Variants in ANXA13 observed in about 807,000 individuals in gnomAD.
ANXA13 encodes annexin XIII.
ANXA13 carries 36 observed loss-of-function variants against 46.6 expected under a neutral mutation model. The observed-to-expected ratio is 0.77, with a 90% CI of 0.59 to 1.02. The LOEUF is 1.02. Ranked by LOEUF, ANXA13 falls within the 50% of genes least tolerant of loss-of-function variation. The pLI, the probability that ANXA13 is intolerant of heterozygous loss-of-function variation, is 0.00. For synonymous variants in ANXA13, 163 were observed against 152.9 expected, an observed-to-expected ratio of 1.07 and a Z score of -0.49; for missense variants, 417 against 396.5, an observed-to-expected ratio of 1.05 and a Z score of -0.44.
chr8:123,710,534 A>G (rs1813637751), intron 2 of ANXA13, among the ~76,000 whole-genome samples: 3 of 152,204 alleles, frequency 2.0e-5, no homozygotes, highest in Admixed American at 2.0e-4. Flanking sequence ...TAGTTTAATA[A>G]AACATTCTGT....
chr8:123,731,874 C>T (rs1263041222), intron 1 of ANXA13, among the ~76,000 whole-genome samples: 2 of 152,028 alleles, frequency 1.3e-5, no homozygotes, highest in African/African-American at 4.8e-5. Context: ...GATCCTGTCT[C>T]AAAACACAAA....
intron 9 of ANXA13, among the ~76,000 whole-genome samples, chr8:123,686,459 TA>T (rs750752983): frequency 2.5e-3 from 311 of 124,690 alleles, no homozygotes; most frequent in Non-Finnish European, 2.7e-3. Flanking sequence ...AACTGTGTCT[TA>T]AAAAAAAAAA....
intron 1 of ANXA13, 96 bp from the exon 2 acceptor site, chr8:123,712,849 T>C: frequency 9.6e-7 from 1 of 1,041,420 alleles, no homozygotes; most frequent in East Asian, 2.5e-5. Context: ...CAAATAGTCA[T>C]CCTAACCAGG....
chr8:123,697,812 C>G (rs1813370099), intron 4 of ANXA13, among the ~76,000 whole-genome samples: 1 of 152,206 alleles, frequency 6.6e-6, no homozygotes, highest in South Asian at 2.1e-4. Flanking sequence ...ACAAATAGTT[C>G]TCCATGGGGC....
At chr8:123,724,643 T>A (rs987205257) in intron 1 of ANXA13, among the ~76,000 whole-genome samples, 1 of 152,186 alleles carries the variant, frequency 6.6e-6, no homozygotes, top group Admixed American at 6.5e-5. Flanking sequence ...AAGTGAAAAT[T>A]GAACCCAGGT....
intron 2 of ANXA13, among the ~76,000 whole-genome samples, chr8:123,708,794 G>T (rs957105460): frequency 6.6e-6 from 1 of 152,176 alleles, no homozygotes; most frequent in Admixed American, 6.5e-5. Flanking sequence ...CAGCCCCGGG[G>T]CAGTGTCTGT....
At chr8:123,729,874 A>C (rs1156354359) in intron 1 of ANXA13, among the ~76,000 whole-genome samples, 1 of 152,230 alleles carries the variant, frequency 6.6e-6, no homozygotes, top group Non-Finnish European at 1.5e-5. Context: ...CTGTGAACTC[A>C]TACTTCGCAA....
chr8:123,726,658 C>A (rs1814001555), intron 1 of ANXA13, among the ~76,000 whole-genome samples: 1 of 152,236 alleles, frequency 6.6e-6, no homozygotes, highest in Non-Finnish European at 1.5e-5. Flanking sequence ...ACCCTTCTCA[C>A]TCTGGTATAA....
At chr8:123,683,901 C>T (rs1009282558) in intron 10 of ANXA13, among the ~76,000 whole-genome samples, 28 of 152,264 alleles carry the variant, frequency 1.8e-4, no homozygotes, top group East Asian at 1.5e-3. Context: ...GTGATCTTGA[C>T]GGCTGCTCCC....
At chr8:123,685,459 C>T (rs75613507) in intron 9 of ANXA13, among the ~76,000 whole-genome samples, 2,168 of 152,160 alleles carry the variant, frequency 0.014, 100 homozygotes, top group East Asian at 0.13. Context: ...TCTTCCCAGG[C>T]TCATATGAAT....
intron 1 of ANXA13, among the ~76,000 whole-genome samples, chr8:123,725,171 A>G (rs1008520235): frequency 6.6e-6 from 1 of 152,248 alleles, no homozygotes; most frequent in African/African-American, 2.4e-5. Context: ...TGGTATCAGT[A>G]TAAAATTTCC....
In ANXA13 at chr8:123,698,450, A is replaced by G. The variant is rs1239518976; in HGVS notation, c.296T>C (p.Met99Thr). 6.2e-7 allele frequency: 1 copy of G among 1,614,046 alleles called. No homozygotes were observed. The highest frequency in any genetic ancestry group is 8.5e-7 in the Non-Finnish European group (1 of 1,180,040). Reference protein sequence around the residue: ...EYAARQLQKAMKGLGTDESVL... With the variant: ...EYAARQLQKATKGLGTDESVL... The stretch of plus-strand genomic sequence containing the variant: ...GGACTCATCTGTGCCCAGACCCTTC[A>G]TAGCCTTCTGCAGCTGCCGGGCGGC... Residue 99 changes from methionine to threonine, a missense_variant, in exon 4 of 11, where the codon ATG becomes ACG. Coordinates refer to ENST00000419625, the MANE Select transcript of ANXA13 (RefSeq NM_004306.4).
chr8:123,726,349 G>A (rs1211493759), intron 1 of ANXA13, among the ~76,000 whole-genome samples: 2 of 152,226 alleles, frequency 1.3e-5, no homozygotes, highest in Non-Finnish European at 2.9e-5. Context: ...TAGGAGTTAG[G>A]AGACCTGACT....
rs570071494 is a variant in ANXA13, at chr8:123,693,264, G to T, written c.575C>A (p.Ala192Glu). The change falls in exon 8 of 11, where the codon GCG becomes GAG. Residue 192 changes from alanine (A) to glutamate (E), a missense_variant. Transcript: ENST00000419625. ...GEGRWGTDEL[A>E]FNEVLAKRSY... ...CCTCTTGGCCAGGACTTCATTGAAC[G>T]CAAGCTCATCAGTGCCCCAGCGGCC... 6.2e-7 allele frequency: 1 copy of T among 1,614,118 alleles called. No homozygotes were observed. The highest frequency in any genetic ancestry group is 8.5e-7 in the Non-Finnish European group (1 of 1,180,000).
intron 4 of ANXA13, among the ~76,000 whole-genome samples, chr8:123,697,701 CAT>C (rs1813368173): frequency 6.6e-6 from 1 of 152,226 alleles, no homozygotes; most frequent in South Asian, 2.1e-4. Context: ...ATTCTGCTGT[CAT>C]GTGTGGTTGC....
chr8:123,721,889 A>G (rs1813880130), intron 1 of ANXA13, among the ~76,000 whole-genome samples: 1 of 152,214 alleles, frequency 6.6e-6, no homozygotes, highest in Non-Finnish European at 1.5e-5. Context: ...CAAGACACAC[A>G]AGTATGATGA....
At chr8:123,699,853 G>A (rs1355216335) in intron 3 of ANXA13, among the ~76,000 whole-genome samples, 1 of 152,218 alleles carries the variant, frequency 6.6e-6, no homozygotes, top group Non-Finnish European at 1.5e-5. Context: ...TTCAGCTCTA[G>A]AAAATGGAGA....
chr8:123,736,781 T>C (rs1319592667), intron 1 of ANXA13, among the ~76,000 whole-genome samples: 3 of 151,786 alleles, frequency 2.0e-5, no homozygotes, highest in Non-Finnish European at 2.9e-5. Flanking sequence ...TTATTTTACA[T>C]ACTTCTTTCT....
chr8:123,693,088 C>G (rs1001793660), intron 8 of ANXA13, 109 bp downstream of exon 8: 1 of 918,192 alleles, frequency 1.1e-6, no homozygotes, highest in African/African-American at 1.7e-5. Context: ...AATTGAGAAC[C>G]ACTGTTGTAA....
Sources: gnomAD v4.1 joint callset for allele counts (sites outside exome capture counted in the v4.1 genomes callset) on GRCh38, gnomAD v4.1.1 for gene constraint, MANE v1.5 for transcripts, NCBI Gene and HGNC (gene_info 2026-07-23, HGNC 2026-07-21) for gene names.